Variants in CEP97 observed in about 807,000 individuals in gnomAD.
CEP97 encodes centrosomal protein of 97 kDa.
In CEP97, 43 loss-of-function variants were observed where a neutral mutation model predicts 73.1. That is an observed-to-expected ratio of 0.59 (90% confidence interval 0.46 to 0.76). The LOEUF (loss-of-function observed/expected upper bound fraction) is 0.76, where lower values mean the gene tolerates loss of function less well. CEP97 is among the 30% of genes least tolerant of loss of function. CEP97 has a pLI of 0.00. For missense variants in CEP97, 939 were observed against 1,014.0 expected (o/e 0.93, Z 1.00); for synonymous variants, 337 against 370.0 (o/e 0.91, Z 1.02).
intron 8 of CEP97, 149 bp downstream of exon 8, chr3:101,757,345 AAC>A: frequency 1.2e-6 from 1 of 833,092 alleles, no homozygotes; most frequent in Non-Finnish European, 1.8e-6. Flanking sequence ...TCTATGTATA[AAC>A]ACACCTATAT....
intron 7 of CEP97, 48 bp from the exon 8 acceptor site, chr3:101,757,015 T>C (rs1246137067): frequency 2.0e-6 from 3 of 1,521,118 alleles, no homozygotes; most frequent in Non-Finnish European, 2.6e-6. Context: ...AGAAAATCTT[T>C]CTTTTTTTGG....
chr3:101,764,364 C>A (rs62284203), intron 10 of CEP97, among the ~76,000 whole-genome samples: 45,917 of 151,966 alleles, frequency 0.3, 7,459 homozygotes, highest in Middle Eastern at 0.43. Context: ...GTAATCCTAG[C>A]ACTTTGGGAG....
intron 6 of CEP97, among the ~76,000 whole-genome samples, chr3:101,744,239 A>G (rs1287939599): frequency 6.6e-6 from 1 of 152,032 alleles, no homozygotes; most frequent in African/African-American, 2.4e-5. Flanking sequence ...CAGCAGCCCT[A>G]TTCATAATAG....
intron 6 of CEP97, among the ~76,000 whole-genome samples, chr3:101,742,053 A>AC (rs1938475939): frequency 7.1e-6 from 1 of 141,768 alleles, no homozygotes; most frequent in Non-Finnish European, 1.6e-5. Context: ...AAAAAAAAAA[A>AC]ACAAAAAAAC....
At chr3:101,728,728 C>T in intron 3 of CEP97, 108 bp from the exon 4 acceptor site, 1 of 715,326 alleles carries the variant, frequency 1.4e-6, no homozygotes, top group South Asian at 1.7e-5. Flanking sequence ...TACTCTGCTT[C>T]TAATAATAAG....
chr3:101,758,529 C>T (rs878866837), intron 9 of CEP97, 106 bp downstream of exon 9: 4 of 1,344,572 alleles, frequency 3.0e-6, no homozygotes, highest in Non-Finnish European at 3.1e-6. Flanking sequence ...ACTTTTCACA[C>T]AATGTAGCCA....
Position 101,765,186 on chromosome 3 carries a change from G to T in CEP97, c.2233G>T (p.Glu745Ter), listed in dbSNP as rs1451189598. The change falls in exon 11 of 11, where the codon GAA becomes TAA. Residue 745 changes from glutamate (E) to a stop codon, truncating the protein, a stop_gained. Coordinates refer to ENST00000341893, the MANE Select transcript of CEP97 (RefSeq NM_024548.4). LOFTEE classifies it low-confidence loss of function (END_TRUNC). The stretch of plus-strand genomic sequence containing the variant: ...CATTGACACAGTCAGATATGGCAAA[G>T]AATCAGATTTAGGGGATGTTAGTGA... Reference protein sequence around the residue: ...NSIDTVRYGKESDLGDVSEEH... With the variant: ...NSIDTVRYGK The T allele has an allele frequency of 3.7e-6, 6 of 1,614,208 alleles. No individual in the cohort carries two copies. Among genetic ancestry groups the T allele is most frequent in the Non-Finnish European group, 5.1e-6 (6 of 1,180,030 alleles).
At chr3:101,752,774 T>G (rs187345088) in intron 6 of CEP97, among the ~76,000 whole-genome samples, 240 of 152,326 alleles carry the variant, frequency 1.6e-3, no homozygotes, top group African/African-American at 5.5e-3. Flanking sequence ...TCTGTATTGA[T>G]TATTCTAGTT....
intron 6 of CEP97, among the ~76,000 whole-genome samples, chr3:101,749,202 T>A (rs1444487528): frequency 1.4e-5 from 2 of 144,592 alleles, no homozygotes; most frequent in Non-Finnish European, 1.5e-5. Flanking sequence ...TGTCCATGTG[T>A]TCTCATTGTT....
At chr3:101,733,888 G>A (rs1006405441) in intron 6 of CEP97, among the ~76,000 whole-genome samples, 11 of 151,660 alleles carry the variant, frequency 7.3e-5, no homozygotes, top group African/African-American at 7.3e-5. Flanking sequence ...GTGCAATGGC[G>A]CGATCTCTGC....
intron 6 of CEP97, among the ~76,000 whole-genome samples, chr3:101,734,077 C>T (rs529485257): frequency 3.5e-4 from 53 of 152,338 alleles, no homozygotes; most frequent in Non-Finnish European, 5.6e-4. Context: ...GCGCCCGCCT[C>T]GGCCTCCCAA....
rs59996988 is a variant in CEP97 at position 101,730,712 on chromosome 3, A to G, written c.448-1128A>G. Among the ~76,000 whole-genome samples, 818 of 152,326 alleles carry G rather than the reference A, an allele frequency of 5.4e-3. 14 individuals carry two copies. In the East Asian group the frequency reaches 0.061, roughly 11 times the overall value. The stretch of plus-strand genomic sequence containing the variant: ...ATGGAGGGGAATGTATCATGCAGTC[A>G]AATAAGTAACAGTTGAAATCACAGT... On this transcript the variant is annotated intron_variant, in intron 4 of 10. Transcript: ENST00000341893.
intron 6 of CEP97, among the ~76,000 whole-genome samples, chr3:101,738,858 A>G (rs189299789): frequency 5.9e-5 from 9 of 152,234 alleles, no homozygotes; most frequent in African/African-American, 1.7e-4. Context: ...GGAGATAGAG[A>G]CACAAAAAAC....
At position 101,737,773 on chromosome 3, in the gene CEP97, C is replaced by T. The variant is rs1253087563; in HGVS notation, c.728+5119C>T. Among the ~76,000 whole-genome samples the T allele has an allele frequency of 3.3e-5, 5 of 152,098 alleles. No individual in the cohort carries two copies. In the East Asian group the frequency reaches 7.7e-4, roughly 23 times the overall value. The stretch of plus-strand genomic sequence containing the variant: ...AAAGATCATCAACACTACGAAGAAA[C>T]TGCATCAACTAACGAGTGAAATAAC... On this transcript the variant is annotated intron_variant, in intron 6 of 10. Coordinates refer to ENST00000341893, the MANE Select transcript of CEP97 (RefSeq NM_024548.4).
intron 6 of CEP97, among the ~76,000 whole-genome samples, chr3:101,754,193 T>A (rs1938941215): frequency 6.6e-6 from 1 of 151,918 alleles, no homozygotes; most frequent in South Asian, 2.1e-4. Context: ...TGGCCCTTGC[T>A]TCATCTTATA....
At chr3:101,751,175 G>C (rs1019311174) in intron 6 of CEP97, among the ~76,000 whole-genome samples, 4 of 152,210 alleles carry the variant, frequency 2.6e-5, no homozygotes, top group African/African-American at 9.7e-5. Context: ...TATGTACCCA[G>C]TAGTCAATCT....
Position 101,749,759 on chromosome 3 carries a change from T to A in CEP97, c.729-5671T>A, listed in dbSNP as rs1458945167. Among the ~76,000 whole-genome samples the A allele has an allele frequency of 3.4e-3, 495 of 146,796 alleles. 7 individuals are homozygous for A. The highest frequency in any genetic ancestry group is 9.9e-3 in the South Asian group (44 of 4,454). ...TCTGATGGCCAGTGATGGTGAGCAT[T>A]TTTTCATGTGTTTTTTGGCTGCATA... On this transcript the variant is annotated intron_variant, in intron 6 of 10. Coordinates refer to ENST00000341893, the MANE Select transcript of CEP97 (RefSeq NM_024548.4).
At position 101,757,665 on chromosome 3, in the gene CEP97, G is replaced by A; in HGVS notation, c.1059G>A (p.Gly353=). 6.2e-7 allele frequency: 1 copy of A among 1,613,934 alleles called. No individual in the cohort carries two copies. The highest frequency in any genetic ancestry group is 8.5e-7 in the Non-Finnish European group (1 of 1,179,848). ...TCATTCAAGTGAATTCTTGGGTTGG[G>A]ATAAACAGTAATGATGATCAGTTAT... is the stretch of plus-strand genomic sequence containing the variant. ...EPVIQVNSWV[G]INSNDDQLFA... The change falls in exon 9 of 11, where the codon GGG becomes GGA. Residue 353 remains glycine, a synonymous_variant. Transcript: ENST00000341893.
intron 1 of CEP97, among the ~76,000 whole-genome samples, chr3:101,725,894 ATC>A (rs1937869479): frequency 7.5e-6 from 1 of 133,384 alleles, no homozygotes; most frequent in South Asian, 2.3e-4. Context: ...TTTTTACATT[ATC>A]TCATTTTCTC....
Sources: allele counts gnomAD v4.1 joint callset (sites outside exome capture counted in the v4.1 genomes callset), GRCh38; gene constraint gnomAD v4.1.1; transcripts MANE v1.5; gene names NCBI Gene and HGNC (gene_info 2026-07-23, HGNC 2026-07-21).